Variants in PDE4D observed in about 807,000 individuals in gnomAD.
PDE4D encodes 3',5'-cyclic-AMP phosphodiesterase 4D.
A neutral mutation model predicts 87.4 loss-of-function variants in PDE4D; 24 were observed. The ratio of observed to expected loss-of-function variants is 0.27; its 90% CI spans 0.20 to 0.39. The LOEUF (loss-of-function observed/expected upper bound fraction) is 0.39. Ranked by LOEUF, PDE4D falls within the 10% of genes least tolerant of loss-of-function variation. The pLI is 1.00. For synonymous variants in PDE4D, 384 were observed against 383.2 expected, an observed-to-expected ratio of 1.00 and a Z score of -0.02; for missense variants, 714 against 1,041.0, an observed-to-expected ratio of 0.69 and a Z score of 4.32.
At chr5:59,154,695 G>A (rs1779912425) in intron 5 of PDE4D, among the ~76,000 whole-genome samples, 1 of 152,176 alleles carries the variant, frequency 6.6e-6, no homozygotes, top group African/African-American at 2.4e-5. Context: ...AGACCAGCCT[G>A]GCCAACATAG....
At chr5:60,277,177 A>G (rs1377756254) in intron 1 of PDE4D, among the ~76,000 whole-genome samples, 3 of 152,120 alleles carry the variant, frequency 2.0e-5, no homozygotes, top group Admixed American at 6.6e-5. Flanking sequence ...AGCATATCCA[A>G]TGGGGAAAAG....
At chr5:59,376,078 T>G (rs1252480341) in intron 1 of PDE4D, among the ~76,000 whole-genome samples, 2 of 152,210 alleles carry the variant, frequency 1.3e-5, no homozygotes, top group Non-Finnish European at 2.9e-5. Context: ...ACAGTCAACA[T>G]CATACTGAAT....
intron 1 of PDE4D, among the ~76,000 whole-genome samples, chr5:59,465,839 C>T (rs1023791659): frequency 1.3e-4 from 20 of 152,182 alleles, no homozygotes; most frequent in African/African-American, 2.9e-4. Flanking sequence ...AATTTAATAT[C>T]AGCAACTGCC....
intron 1 of PDE4D, among the ~76,000 whole-genome samples, chr5:60,481,017 T>G (rs781316735): frequency 1.5e-4 from 23 of 152,174 alleles, no homozygotes; most frequent in Non-Finnish European, 2.9e-4. Context: ...TCTAATCAGA[T>G]AAATATGAGA....
In PDE4D at chr5:59,833,199, C is replaced by T. The variant is rs559011195; in HGVS notation, c.455+59969G>A. ...AAGACAATTTGTGTGAAGGAAACCACGTGGCTCCGGTGATGAATGGGTTGA... is the reference window on the plus strand; with the variant it reads ...AAGACAATTTGTGTGAAGGAAACCATGTGGCTCCGGTGATGAATGGGTTGA... On this transcript the variant is annotated intron_variant, in intron 1 of 14. Transcript: ENST00000340635. Among the ~76,000 whole-genome samples, 4 of 152,050 alleles carry T rather than the reference C, an allele frequency of 2.6e-5. No individual in the cohort carries two copies. In the South Asian group the frequency reaches 6.2e-4, roughly 24 times the overall value.
chr5:59,566,608 G>C (rs1310758104), intron 1 of PDE4D, among the ~76,000 whole-genome samples: 2 of 151,218 alleles, frequency 1.3e-5, no homozygotes, highest in Admixed American at 1.3e-4. Flanking sequence ...GAGAGAGAAA[G>C]AGAATTTGAT....
chr5:60,322,094 C>T (rs1354002039), intron 1 of PDE4D, among the ~76,000 whole-genome samples: 1 of 152,000 alleles, frequency 6.6e-6, no homozygotes, highest in Non-Finnish European at 1.5e-5. Context: ...ACCATAAAGA[C>T]ACATGTATGC....
At chr5:59,185,157 C>CA (rs748254123) in intron 4 of PDE4D, 32 bp downstream of exon 4, 439 of 1,560,470 alleles carry the variant, frequency 2.8e-4, no homozygotes, top group Non-Finnish European at 3.6e-4. Flanking sequence ...AAAAGTTCAG[C>CA]AAAAAAGAGG....
chr5:60,170,618 A>C (rs928145137), intron 2 of PDE4D, among the ~76,000 whole-genome samples: 3 of 151,978 alleles, frequency 2.0e-5, no homozygotes, highest in Admixed American at 1.3e-4. Context: ...TATTATCATA[A>C]TGAGGCCTCT....
intron 6 of PDE4D, among the ~76,000 whole-genome samples, chr5:59,027,275 C>T (rs982441705): frequency 2.6e-5 from 4 of 152,142 alleles, no homozygotes; most frequent in South Asian, 2.1e-4. Context: ...CAGATCATAT[C>T]GAGGGTACAT....
chr5:59,697,066 T>C (rs1751890749), intron 1 of PDE4D, among the ~76,000 whole-genome samples: 2 of 152,186 alleles, frequency 1.3e-5, no homozygotes, highest in Admixed American at 6.5e-5. Context: ...AAGAGAGTAG[T>C]TTTGCTAATC....
rs988458700 is a variant in PDE4D, at chr5:60,464,355, A to C, written c.-90+23587T>G. 3.3e-5 allele frequency among the ~76,000 whole-genome samples: 5 copies of C among 152,242 alleles called. 1 individual carries two copies. The highest frequency in any genetic ancestry group is 7.3e-5 in the Non-Finnish European group (5 of 68,048). ...TTGGCATAGAAGAATTAATAAAATA[A>C]GTAAAATTAGAGAAATGCTATCAGG... On this transcript the variant is annotated intron_variant, in intron 1 of 16. Transcript: ENST00000502484.
intron 1 of PDE4D, among the ~76,000 whole-genome samples, chr5:59,561,242 C>G (rs1819921771): frequency 6.6e-6 from 1 of 152,102 alleles, no homozygotes; most frequent in Admixed American, 6.5e-5. Context: ...ATGGAGACTG[C>G]TGGCCTGCGG....
chr5:60,024,273 C>T (rs1175161828), intron 2 of PDE4D, among the ~76,000 whole-genome samples: 1 of 152,086 alleles, frequency 6.6e-6, no homozygotes, highest in South Asian at 2.1e-4. Context: ...ACTGGTTCAA[C>T]CACATGTGGT....
intron 1 of PDE4D, among the ~76,000 whole-genome samples, chr5:60,508,254 C>T (rs1750411645): frequency 1.3e-5 from 2 of 152,206 alleles, no homozygotes; most frequent in Non-Finnish European, 2.9e-5. Context: ...TAGTCGATAC[C>T]TGTTCCAGGA....
At chr5:60,199,178 A>G (rs970662239) in intron 1 of PDE4D, among the ~76,000 whole-genome samples, 10 of 151,714 alleles carry the variant, frequency 6.6e-5, no homozygotes, top group African/African-American at 2.4e-4. Context: ...TGTGACACCA[A>G]CTCTTAACTG....
intron 1 of PDE4D, among the ~76,000 whole-genome samples, chr5:60,473,078 CAG>C (rs1248305425): frequency 1.8e-5 from 2 of 110,088 alleles, no homozygotes; most frequent in Non-Finnish European, 1.7e-5. Flanking sequence ...GAGGGAGAGA[CAG>C]AGAGAGAGAG....
Position 58,993,396 on chromosome 5 carries a change from C to G in PDE4D, c.991G>C (p.Glu331Gln). Residue 331 changes from glutamate (E) to glutamine (Q), a missense_variant, in exon 7 of 15, where the codon GAG becomes CAG. Transcript: ENST00000340635. ...EMSRSGNQVS[E>Q]FISNTFLDKQ... ...CCTAAGAATGTGTTTGATATAAACT[C>G]TGACACTTGATTTCCAGACCGACTC... 6.3e-7 allele frequency: 1 copy of G among 1,597,384 alleles called. No individual in the cohort carries two copies. The highest frequency in any genetic ancestry group is 8.5e-7 in the Non-Finnish European group (1 of 1,171,692).
intron 1 of PDE4D, among the ~76,000 whole-genome samples, chr5:60,380,984 T>C (rs1476722197): frequency 6.6e-6 from 1 of 152,174 alleles, no homozygotes; most frequent in African/African-American, 2.4e-5. Flanking sequence ...TCTAGGTGGC[T>C]CAAGCCCTGC....
Sources: gnomAD v4.1 joint callset for allele counts (sites outside exome capture counted in the v4.1 genomes callset) on GRCh38, gnomAD v4.1.1 for gene constraint, MANE v1.5 for transcripts, NCBI Gene and HGNC (gene_info 2026-07-23, HGNC 2026-07-21) for gene names.